Variants in CA10 observed in about 807,000 individuals in gnomAD.
CA10 encodes carbonic anhydrase-related protein 10.
In CA10, 14 loss-of-function variants were observed where a neutral mutation model predicts 44.2. The observed-to-expected ratio is 0.32, with a 90% CI of 0.21 to 0.50. CA10 has a LOEUF of 0.50. Among genes scored for constraint, CA10 ranks in the 20% least tolerant of loss-of-function variants. The probability of loss-of-function intolerance (pLI) is 0.99; values close to 1 mark genes in which losing one functional copy is unlikely to be tolerated. For synonymous variants in CA10, 159 were observed against 141.6 expected (o/e 1.12, Z -0.87); for missense variants, 350 against 409.7 (o/e 0.85, Z 1.26).
chr17:52,157,263 A>G (rs1316128642), intron 1 of CA10, among the ~76,000 whole-genome samples: 1 of 151,772 alleles, frequency 6.6e-6, no homozygotes, highest in Non-Finnish European at 1.5e-5. Flanking sequence ...CCCTGCTGGT[A>G]CTCTCCAGTC....
chr17:51,936,722 G>C (rs1982882671), intron 2 of CA10, among the ~76,000 whole-genome samples: 1 of 152,100 alleles, frequency 6.6e-6, no homozygotes, highest in Non-Finnish European at 1.5e-5. Context: ...AGTTTAGCAG[G>C]GAAATACCAT....
intron 2 of CA10, among the ~76,000 whole-genome samples, chr17:52,057,338 T>C (rs562978882): frequency 2.6e-5 from 4 of 152,194 alleles, no homozygotes; most frequent in African/African-American, 7.2e-5. Context: ...CTCCTCAGCC[T>C]ACTCAACATG....
intron 3 of CA10, among the ~76,000 whole-genome samples, chr17:51,749,912 T>C (rs994636786): frequency 2.0e-5 from 3 of 152,222 alleles, no homozygotes; most frequent in African/African-American, 7.2e-5. Flanking sequence ...CTGTACTTTC[T>C]AATATTCTAC....
intron 1 of CA10, among the ~76,000 whole-genome samples, chr17:52,117,995 C>T (rs9910452): frequency 0.64 from 96,695 of 152,052 alleles, 33,168 homozygotes; most frequent in African/African-American, 0.89. Flanking sequence ...GGTTTTTCTG[C>T]AAATGGAACA....
intron 2 of CA10, among the ~76,000 whole-genome samples, chr17:51,948,785 G>T (rs1293559233): frequency 6.6e-6 from 1 of 151,916 alleles, no homozygotes; most frequent in Non-Finnish European, 1.5e-5. Flanking sequence ...TTTCTTCACT[G>T]GGCCCTAATT....
chr17:52,157,538 C>A (rs553056297), intron 1 of CA10, among the ~76,000 whole-genome samples, 188 bp downstream of exon 1: 2 of 146,154 alleles, frequency 1.4e-5, no homozygotes, highest in Admixed American at 6.8e-5. Context: ...CACCCCCCCC[C>A]GCAAAACACA....
At chr17:51,806,035 C>A (rs1218172981) in intron 3 of CA10, among the ~76,000 whole-genome samples, 1 of 152,152 alleles carries the variant, frequency 6.6e-6, no homozygotes, top group African/African-American at 2.4e-5. Flanking sequence ...AGAAAGGAGG[C>A]CGCTGCACTT....
At chr17:51,784,984 T>C (rs560198256) in intron 3 of CA10, among the ~76,000 whole-genome samples, 1 of 152,330 alleles carries the variant, frequency 6.6e-6, no homozygotes, top group East Asian at 1.9e-4. Context: ...TGAATTCAAT[T>C]GTTTTGATTT....
At chr17:51,740,648 C>T (rs952435757) in intron 4 of CA10, among the ~76,000 whole-genome samples, 1 of 152,220 alleles carries the variant, frequency 6.6e-6, no homozygotes, top group Non-Finnish European at 1.5e-5. Flanking sequence ...TGGTCTGCAG[C>T]AGCCTCTGGC....
intron 3 of CA10, among the ~76,000 whole-genome samples, chr17:51,855,559 G>A (rs769562895): frequency 2.6e-5 from 4 of 152,070 alleles, no homozygotes; most frequent in Non-Finnish European, 1.5e-5. Context: ...AAGAAACAAA[G>A]ACAGAACCAG....
chr17:51,708,284 C>T (rs1458192275), intron 4 of CA10, among the ~76,000 whole-genome samples: 1 of 152,180 alleles, frequency 6.6e-6, no homozygotes. Flanking sequence ...CATTGGCTTG[C>T]TGCTCTGATG....
chr17:51,774,998 G>T (rs1262866150), intron 3 of CA10, among the ~76,000 whole-genome samples: 1 of 152,050 alleles, frequency 6.6e-6, no homozygotes, highest in Non-Finnish European at 1.5e-5. Context: ...GGGTAAGCAG[G>T]TTCCCAGGCC....
chr17:51,754,677 C>T (rs1233852316), intron 3 of CA10, among the ~76,000 whole-genome samples: 2 of 151,506 alleles, frequency 1.3e-5, no homozygotes, highest in South Asian at 2.1e-4. Context: ...TACTCAAATT[C>T]CACTGATTTA....
chr17:51,838,576 C>T (rs1978295502), intron 3 of CA10, among the ~76,000 whole-genome samples: 2 of 152,230 alleles, frequency 1.3e-5, no homozygotes, highest in African/African-American at 4.8e-5. Flanking sequence ...AGGAAAAGAG[C>T]CTTGTTTCTT....
At chr17:52,019,176 C>A (rs1986061045) in intron 2 of CA10, among the ~76,000 whole-genome samples, 1 of 152,052 alleles carries the variant, frequency 6.6e-6, no homozygotes, top group Non-Finnish European at 1.5e-5. Flanking sequence ...TCCTTTATAG[C>A]AGCACAAAAC....
At chr17:52,127,165 TATGTA>T (rs1189860321) in intron 1 of CA10, among the ~76,000 whole-genome samples, 4 of 152,240 alleles carry the variant, frequency 2.6e-5, no homozygotes, top group African/African-American at 9.6e-5. Context: ...GAATTTTTAG[TATGTA>T]ATCACAAACA....
intron 2 of CA10, among the ~76,000 whole-genome samples, chr17:51,970,467 C>T (rs945594751): frequency 1.3e-5 from 2 of 151,876 alleles, no homozygotes; most frequent in African/African-American, 2.4e-5. Flanking sequence ...ACTACTGCAG[C>T]GTATTTTAAA....
intron 4 of CA10, among the ~76,000 whole-genome samples, chr17:51,676,238 G>A (rs1168908970): frequency 6.6e-6 from 1 of 152,184 alleles, no homozygotes; most frequent in East Asian, 1.9e-4. Context: ...GCACTTATGT[G>A]TGCCAGGCCC....
intron 2 of CA10, among the ~76,000 whole-genome samples, chr17:52,032,891 C>T (rs1439060383): frequency 1.3e-5 from 2 of 152,098 alleles, no homozygotes; most frequent in East Asian, 3.9e-4. Context: ...GAAAGGGGAG[C>T]ATCAAAAATT....
Sources: gnomAD v4.1 joint callset for allele counts (sites outside exome capture counted in the v4.1 genomes callset) on GRCh38, gnomAD v4.1.1 for gene constraint, MANE v1.5 for transcripts, NCBI Gene and HGNC (gene_info 2026-07-23, HGNC 2026-07-21) for gene names.